Variants in TACR1 observed in about 807,000 individuals in gnomAD.
TACR1 encodes the protein tachykinin receptor 1, also known as substance-P receptor.
TACR1 carries 25 observed loss-of-function variants against 35.8 expected under a neutral mutation model. The ratio of observed to expected loss-of-function variants is 0.70; its 90% CI spans 0.51 to 0.98. The LOEUF is 0.98. TACR1 is among the 50% of genes least tolerant of loss of function. The pLI is 0.00. For synonymous variants in TACR1, 195 were observed against 206.7 expected, an observed-to-expected ratio of 0.94 and a Z score of 0.48; for missense variants, 478 against 522.9, an observed-to-expected ratio of 0.91 and a Z score of 0.84.
chr2:75,142,818 A>T (rs978008910), intron 1 of TACR1, among the ~76,000 whole-genome samples: 2 of 152,160 alleles, frequency 1.3e-5, no homozygotes, highest in Non-Finnish European at 2.9e-5. Flanking sequence ...AAATATATGG[A>T]TTCCTGGGCT....
Position 75,047,067 on chromosome 2 carries a change from G to C in TACR1, c.*2365C>G, listed in dbSNP as rs575406525. Reference sequence around the variant, plus strand: ...TGGAGACTGGGTCAGAGGAAGGCTTGCTGGCACTGTCCAAGCAGATGCTTT... The same window carrying C: ...TGGAGACTGGGTCAGAGGAAGGCTTCCTGGCACTGTCCAAGCAGATGCTTT... On this transcript the variant is annotated 3_prime_UTR_variant, in exon 5 of 5. Transcript: ENST00000305249. 1.3e-5 allele frequency: 2 copies of C among 152,392 alleles called. No individual in the cohort carries two copies. The highest frequency in any genetic ancestry group is 4.8e-5 in the African/African-American group (2 of 41,570). The allele number at this position is 152,392 out of a possible 1,614,324, so 9.4% of individuals were successfully genotyped here. A position where few individuals can be genotyped will look rare whatever the true frequency, so the allele number is the denominator to read the frequency against.
intron 2 of TACR1, among the ~76,000 whole-genome samples, chr2:75,080,493 G>A (rs2103831955): frequency 6.6e-6 from 1 of 152,262 alleles, no homozygotes; most frequent in Middle Eastern, 3.4e-3. Flanking sequence ...AGTCTTCCTA[G>A]ATCAGAACTT....
chr2:75,109,146 G>T (rs536934091), intron 2 of TACR1, among the ~76,000 whole-genome samples: 183 of 152,306 alleles, frequency 1.2e-3, no homozygotes, highest in African/African-American at 4.2e-3. Flanking sequence ...GAGAAGGGGT[G>T]AGGACAAACC....
intron 4 of TACR1, 51 bp downstream of exon 4, chr2:75,051,200 A>T: frequency 6.2e-7 from 1 of 1,612,868 alleles, no homozygotes; most frequent in Non-Finnish European, 8.5e-7. Context: ...GCCACTGTGT[A>T]TGTAGATGGT....
chr2:75,051,462 A>C lies in TACR1; in HGVS notation c.736-15T>G. 6.2e-7 allele frequency: 1 copy of C among 1,613,300 alleles called. No individual in the cohort carries two copies. The highest frequency in any genetic ancestry group is 8.5e-7 in the Non-Finnish European group (1 of 1,179,710). ...ATTTTGACCACCTGGCAAGAGGGTG[A>C]GACAGGTGAGACCACCAGCACATCC... On this transcript the variant is annotated splice_polypyrimidine_tract_variant and intron_variant, in intron 3 of 4. Coordinates refer to ENST00000305249, the MANE Select transcript of TACR1 (RefSeq NM_001058.4).
At chr2:75,137,899 T>C (rs1179291638) in intron 1 of TACR1, among the ~76,000 whole-genome samples, 1 of 152,198 alleles carries the variant, frequency 6.6e-6, no homozygotes, top group Non-Finnish European at 1.5e-5. Context: ...TGTTTCTGTA[T>C]GATGGGATCT....
intron 1 of TACR1, among the ~76,000 whole-genome samples, chr2:75,143,173 A>C (rs1276336947): frequency 1.3e-5 from 2 of 152,304 alleles, no homozygotes; most frequent in African/African-American, 2.4e-5. Context: ...CTATAGTCTG[A>C]GGTGCAAGCG....
At chr2:75,175,876 G>A (rs1264037919) in intron 1 of TACR1, among the ~76,000 whole-genome samples, 2 of 152,160 alleles carry the variant, frequency 1.3e-5, no homozygotes, top group Non-Finnish European at 2.9e-5. Flanking sequence ...TTTGAAAACA[G>A]ATATCCTGGA....
In TACR1 at chr2:75,164,244, G is replaced by A. The variant is rs1049725264; in HGVS notation, c.389+34302C>T. On this transcript the variant is annotated intron_variant, in intron 1 of 4. Coordinates refer to ENST00000305249, the MANE Select transcript of TACR1 (RefSeq NM_001058.4). ...CGGGAGGCTGAGGCAGGAGAATGGCGTGAACCCAGGAGGCAGAGCTTGCAG... is the reference window on the plus strand; with the variant it reads ...CGGGAGGCTGAGGCAGGAGAATGGCATGAACCCAGGAGGCAGAGCTTGCAG... 5.9e-5 allele frequency among the ~76,000 whole-genome samples: 9 copies of A among 151,300 alleles called. 1 individual carries two copies. The highest frequency in any genetic ancestry group is 2.1e-4 in the South Asian group (1 of 4,786).
intron 1 of TACR1, among the ~76,000 whole-genome samples, chr2:75,138,865 C>T (rs1373520022): frequency 3.3e-5 from 5 of 152,142 alleles, no homozygotes; most frequent in Non-Finnish European, 7.4e-5. Context: ...AATACCACCC[C>T]TCCTCTCAGG....
chr2:75,171,070 C>T (rs1173934320), intron 1 of TACR1, among the ~76,000 whole-genome samples: 1 of 152,192 alleles, frequency 6.6e-6, no homozygotes, highest in Non-Finnish European at 1.5e-5. Context: ...GGGAAAATGT[C>T]TCCAGGGCAT....
chr2:75,056,208 T>C (rs544613046), intron 2 of TACR1, among the ~76,000 whole-genome samples: 62 of 152,326 alleles, frequency 4.1e-4, no homozygotes, highest in African/African-American at 1.3e-3. Context: ...TCTGATACTT[T>C]GGCATCTGGG....
chr2:75,147,104 G>A (rs560173801), intron 1 of TACR1, among the ~76,000 whole-genome samples: 2 of 152,340 alleles, frequency 1.3e-5, no homozygotes, highest in South Asian at 4.1e-4. Flanking sequence ...TCCTGTTCCA[G>A]TCAAGTTAGG....
At chr2:75,090,667 C>A (rs1673290872) in intron 2 of TACR1, 1 of 153,302 alleles carries the variant, frequency 6.5e-6, no homozygotes, top group African/African-American at 2.4e-5. Flanking sequence ...ATCCCATCCC[C>A]AATCACCACT....
chr2:75,061,663 A>T (rs1277729424), intron 2 of TACR1, among the ~76,000 whole-genome samples: 1 of 152,180 alleles, frequency 6.6e-6, no homozygotes, highest in Non-Finnish European at 1.5e-5. Context: ...GGAATGTCCC[A>T]GAGTCGCCCT....
intron 1 of TACR1, among the ~76,000 whole-genome samples, chr2:75,156,589 C>A (rs1339366919): frequency 7.9e-6 from 1 of 126,184 alleles, no homozygotes; most frequent in Admixed American, 1.0e-4. Flanking sequence ...GGTAACAGAG[C>A]GAGACTCCGT....
At chr2:75,090,225 T>C (rs1032801949) in intron 2 of TACR1, among the ~76,000 whole-genome samples, 3 of 152,202 alleles carry the variant, frequency 2.0e-5, no homozygotes. Context: ...CTTTCTAACA[T>C]ATGATATAAT....
chr2:75,099,991 G>A (rs1411569386), intron 2 of TACR1, among the ~76,000 whole-genome samples: 1 of 152,180 alleles, frequency 6.6e-6, no homozygotes, highest in Non-Finnish European at 1.5e-5. Flanking sequence ...TTAGAATAAA[G>A]CATAAACTCA....
chr2:75,115,153 AC>A (rs1469691526), intron 2 of TACR1, among the ~76,000 whole-genome samples: 1 of 151,840 alleles, frequency 6.6e-6, no homozygotes, highest in African/African-American at 2.4e-5. Flanking sequence ...AATTTTAATA[AC>A]ATAGAAATTG....
Sources: gnomAD v4.1 joint callset for allele counts (sites outside exome capture counted in the v4.1 genomes callset) on GRCh38, gnomAD v4.1.1 for gene constraint, MANE v1.5 for transcripts, NCBI Gene and HGNC (gene_info 2026-07-23, HGNC 2026-07-21) for gene names.